DCC: variants seen among roughly 807,000 people sequenced by gnomAD.
DCC encodes netrin receptor DCC.
DCC carries 58 observed loss-of-function variants against 172.5 expected under a neutral mutation model. The ratio of observed to expected loss-of-function variants is 0.34; its 90% CI spans 0.27 to 0.42. DCC has a LOEUF of 0.42. Ranked by LOEUF, DCC falls within the 10% of genes least tolerant of loss-of-function variation. DCC has a pLI of 1.00. For missense variants in DCC, 1,740 were observed against 1,791.0 expected, an observed-to-expected ratio of 0.97 and a Z score of 0.51; for synonymous variants, 709 against 644.5, an observed-to-expected ratio of 1.10 and a Z score of -1.52.
At chr18:52,848,382 C>G (rs758919016) in intron 2 of DCC, among the ~76,000 whole-genome samples, 2 of 152,010 alleles carry the variant, frequency 1.3e-5, no homozygotes, top group Non-Finnish European at 2.9e-5. Flanking sequence ...CTACCATGCC[C>G]GGCCGACTTT....
At chr18:53,417,110 A>G (rs1910358859) in intron 21 of DCC, among the ~76,000 whole-genome samples, 1 of 152,184 alleles carries the variant, frequency 6.6e-6, no homozygotes, top group South Asian at 2.1e-4. Flanking sequence ...CGTGTCTCAT[A>G]AGGCACCATG....
Position 52,926,888 on chromosome 18 carries a change from CACAT to C in DCC, c.985+1524_985+1527del, listed in dbSNP as rs1358428316. 2.1e-3 allele frequency among the ~76,000 whole-genome samples: 293 copies of C among 140,994 alleles called. 1 individual carries two copies. The highest frequency in any genetic ancestry group is 6.7e-3 in the African/African-American group (259 of 38,626). 92.5% of individuals were successfully genotyped at this position (140,994 alleles called of 152,430 possible). ...ATATATACATATACATATATACACA[CACAT>C]ACATATGTGTGTATATATACGTATA... On this transcript the variant is annotated intron_variant, in intron 5 of 28. Transcript: ENST00000442544.
At chr18:52,884,512 A>G (rs527591280) in intron 2 of DCC, among the ~76,000 whole-genome samples, 24 of 151,756 alleles carry the variant, frequency 1.6e-4, no homozygotes, top group African/African-American at 5.6e-4. Context: ...TATCAATTGC[A>G]TTTTTCATTT....
At chr18:52,569,452 T>G (rs1363690777) in intron 1 of DCC, among the ~76,000 whole-genome samples, 1 of 152,200 alleles carries the variant, frequency 6.6e-6, no homozygotes, top group Non-Finnish European at 1.5e-5. Context: ...TATTGCTATG[T>G]ATACTAAAAT....
Position 53,063,365 on chromosome 18 carries a change from A to T in DCC, c.1046A>T (p.Glu349Val). The T allele has an allele frequency of 6.2e-7, 1 of 1,613,236 alleles. No individual in the cohort carries two copies. Among genetic ancestry groups the T allele is most frequent in the Non-Finnish European group, 8.5e-7 (1 of 1,179,410 alleles). ...NLYAYESMDI[E>V]FECTVSGKPV... ...TATGCCTATGAAAGCATGGATATTG[A>T]GTTTGAATGTACAGTCTCTGGAAAG... Residue 349 changes from glutamate to valine, a missense_variant, in exon 6 of 29, where the codon GAG becomes GTG. Glu to Val is a moderately radical substitution (Grantham distance 121, BLOSUM62 -2). Transcript: ENST00000442544.
At chr18:53,377,773 T>A (rs953180346) in intron 15 of DCC, among the ~76,000 whole-genome samples, 2 of 151,820 alleles carry the variant, frequency 1.3e-5, no homozygotes, top group Non-Finnish European at 2.9e-5. Context: ...TGAGGAGGAG[T>A]TGCTGTTATT....
At chr18:52,343,061 C>T (rs1437786298) in intron 1 of DCC, among the ~76,000 whole-genome samples, 1 of 152,204 alleles carries the variant, frequency 6.6e-6, no homozygotes, top group Non-Finnish European at 1.5e-5. Flanking sequence ...TTAAACTTTT[C>T]TGCACTTCTA....
chr18:53,151,512 A>T (rs1282926290), intron 7 of DCC, among the ~76,000 whole-genome samples: 1 of 152,204 alleles, frequency 6.6e-6, no homozygotes, highest in African/African-American at 2.4e-5. Context: ...AAATGTACCT[A>T]TCCAATACAT....
At chr18:52,357,413 A>T in intron 1 of DCC, among the ~76,000 whole-genome samples, 1 of 151,936 alleles carries the variant, frequency 6.6e-6, no homozygotes, top group East Asian at 1.9e-4. Context: ...AATGGTCAAA[A>T]CTGCAACAAT....
intron 9 of DCC, among the ~76,000 whole-genome samples, chr18:53,183,353 C>T (rs978397992): frequency 2.6e-5 from 4 of 152,104 alleles, no homozygotes; most frequent in African/African-American, 9.7e-5. Context: ...CTTTGCTAAA[C>T]CCTTGCCCAT....
intron 7 of DCC, among the ~76,000 whole-genome samples, chr18:53,096,436 G>A (rs909910635): frequency 1.3e-5 from 2 of 152,146 alleles, no homozygotes; most frequent in South Asian, 4.1e-4. Context: ...CAACTGCGTG[G>A]TCAGATCTCT....
chr18:53,134,748 A>G (rs1431450208), intron 7 of DCC, among the ~76,000 whole-genome samples: 2 of 152,168 alleles, frequency 1.3e-5, no homozygotes, highest in East Asian at 1.9e-4. Flanking sequence ...TATTTTGTCC[A>G]TTCACTTGTA....
chr18:53,070,159 A>G (rs2042633417), intron 7 of DCC, among the ~76,000 whole-genome samples: 1 of 151,706 alleles, frequency 6.6e-6, no homozygotes, highest in South Asian at 2.1e-4. Context: ...TTATTTGTTT[A>G]TTTATTTATT....
chr18:53,261,760 A>C (rs1286724129), intron 12 of DCC, among the ~76,000 whole-genome samples: 1 of 152,028 alleles, frequency 6.6e-6, no homozygotes, highest in East Asian at 1.9e-4. Flanking sequence ...TGGCCTCCCA[A>C]AGTGCTGGGA....
rs933478748 is a variant in DCC at position 52,762,029 on chromosome 18, G to T, written c.412+9655G>T. ...CAGGTTCTTAACCAGCGCTTATTGT[G>T]AAATGTAACTCAGGTATCTCTAATT... On this transcript the variant is annotated intron_variant, in intron 2 of 28. Transcript: ENST00000442544. 2.0e-5 allele frequency among the ~76,000 whole-genome samples: 3 copies of T among 151,894 alleles called. No homozygotes were observed. In the East Asian group the frequency reaches 5.8e-4, roughly 29 times the overall value.
At chr18:52,680,590 C>T (rs1334422293) in intron 1 of DCC, among the ~76,000 whole-genome samples, 7 of 152,134 alleles carry the variant, frequency 4.6e-5, no homozygotes, top group Admixed American at 3.3e-4. Context: ...TTATACCCAG[C>T]TCCATCAAGG....
chr18:53,089,712 C>A (rs554646307), intron 7 of DCC, among the ~76,000 whole-genome samples: 1 of 152,078 alleles, frequency 6.6e-6, no homozygotes, highest in Non-Finnish European at 1.5e-5. Flanking sequence ...ATAGCCATAT[C>A]GTGGTTATAC....
intron 15 of DCC, among the ~76,000 whole-genome samples, chr18:53,352,188 A>C (rs1186541412): frequency 6.6e-6 from 1 of 152,108 alleles, no homozygotes; most frequent in African/African-American, 2.4e-5. Context: ...ATCCAGCTAC[A>C]TAGGACACAG....
At chr18:52,782,323 C>T (rs1039575697) in intron 2 of DCC, among the ~76,000 whole-genome samples, 6 of 152,200 alleles carry the variant, frequency 3.9e-5, no homozygotes, top group South Asian at 2.1e-4. Context: ...CAACACAGTT[C>T]GGTTTGTAGC....
Sources: gnomAD v4.1 joint callset for allele counts (sites outside exome capture counted in the v4.1 genomes callset) on GRCh38, gnomAD v4.1.1 for gene constraint, MANE v1.5 for transcripts, NCBI Gene and HGNC (gene_info 2026-07-23, HGNC 2026-07-21) for gene names.